STX17: variants seen among roughly 807,000 people sequenced by gnomAD.
The protein encoded by STX17 is syntaxin-17.
STX17 carries 29 observed loss-of-function variants against 35.9 expected under a neutral mutation model. The ratio of observed to expected loss-of-function variants is 0.81; its 90% CI spans 0.60 to 1.10. The LOEUF (loss-of-function observed/expected upper bound fraction) is 1.10. Among genes scored for constraint, STX17 ranks in the 50% least tolerant of loss-of-function variants. The pLI, the probability that STX17 is intolerant of heterozygous loss-of-function variation, is 0.00. For synonymous variants in STX17, 92 were observed against 118.3 expected, an observed-to-expected ratio of 0.78 and a Z score of 1.44; for missense variants, 312 against 352.3, an observed-to-expected ratio of 0.89 and a Z score of 0.92.
At chr9:99,918,542 C>G (rs977665692) in intron 2 of STX17, among the ~76,000 whole-genome samples, 5 of 151,136 alleles carry the variant, frequency 3.3e-5, no homozygotes, top group African/African-American at 1.2e-4. Flanking sequence ...CTTCTTTGTC[C>G]TGTTTTTCCC....
At position 99,918,346 on chromosome 9, in the gene STX17, A is replaced by G. The variant is rs114097622; in HGVS notation, c.123+2984A>G. On this transcript the variant is annotated intron_variant, in intron 2 of 7. Transcript: ENST00000259400. ...GGGTCTCACTATGCTGCCCAGGCCT[A>G]TCTCATCTCAAAGCCCTGGCCTCAA... is the stretch of plus-strand genomic sequence containing the variant. 3.4e-3 allele frequency among the ~76,000 whole-genome samples: 521 copies of G among 152,184 alleles called. 3 individuals carry two copies. The highest frequency in any genetic ancestry group is 0.012 in the African/African-American group (487 of 41,516).
chr9:99,942,830 C>T (rs191605847), intron 3 of STX17, among the ~76,000 whole-genome samples: 14 of 151,758 alleles, frequency 9.2e-5, no homozygotes, highest in Admixed American at 6.6e-4. Flanking sequence ...CTACTTTTGT[C>T]GTAAGTCAAG....
Position 99,972,789 on chromosome 9 carries a change from T to C in STX17, c.*4116T>C, listed in dbSNP as rs1302802419. 6.6e-6 allele frequency among the ~76,000 whole-genome samples: 1 copy of C among 152,204 alleles called. No homozygotes were observed. The highest frequency in any genetic ancestry group is 1.5e-5 in the Non-Finnish European group (1 of 68,032). ...GAAAGGTGTTTCTCAGGGTCCCCTT[T>C]GTCCTTCGTTGCTGCCATATGAAAT... On this transcript the variant is annotated 3_prime_UTR_variant, in exon 8 of 8. Transcript: ENST00000259400.
At chr9:99,917,241 G>C (rs1180510121) in intron 2 of STX17, among the ~76,000 whole-genome samples, 5 of 151,968 alleles carry the variant, frequency 3.3e-5, no homozygotes, top group Non-Finnish European at 2.9e-5. Context: ...CTGTCTCTAG[G>C]ATGTCTAGCT....
chr9:99,941,515 A>G (rs183518159), intron 3 of STX17, among the ~76,000 whole-genome samples: 2 of 152,320 alleles, frequency 1.3e-5, no homozygotes, highest in East Asian at 1.9e-4. Context: ...AAATATAAAT[A>G]TACACCTAAA....
intron 3 of STX17, among the ~76,000 whole-genome samples, chr9:99,940,502 C>T (rs1424557423): frequency 2.8e-5 from 4 of 144,930 alleles, no homozygotes; most frequent in Admixed American, 6.8e-5. Context: ...GATGGAGTCC[C>T]ACTCTGTCAC....
At chr9:99,952,580 C>T (rs950128452) in intron 4 of STX17, among the ~76,000 whole-genome samples, 17 of 151,854 alleles carry the variant, frequency 1.1e-4, no homozygotes, top group Admixed American at 3.3e-4. Context: ...CACATGCACA[C>T]GTATGTTTAT....
intron 4 of STX17, chr9:99,954,019 A>G (rs868551230): frequency 2.7e-4 from 41 of 152,074 alleles, no homozygotes; most frequent in African/African-American, 8.9e-4. Context: ...ATAAAAAAAA[A>G]CTTCGGCAGA....
chr9:99,953,674 A>G (rs1829649572), intron 4 of STX17, among the ~76,000 whole-genome samples: 1 of 152,062 alleles, frequency 6.6e-6, no homozygotes, highest in Non-Finnish European at 1.5e-5. Context: ...GATGGTAATA[A>G]TAACTGTGAA....
intron 3 of STX17, among the ~76,000 whole-genome samples, chr9:99,935,309 G>C (rs1180093819): frequency 1.5e-5 from 2 of 137,174 alleles, no homozygotes; most frequent in Admixed American, 7.7e-5. Flanking sequence ...CAGCCTGGGT[G>C]ACAGAGCGAC....
At chr9:99,914,432 G>A (rs2118303090) in intron 1 of STX17, among the ~76,000 whole-genome samples, 1 of 152,230 alleles carries the variant, frequency 6.6e-6, no homozygotes, top group Admixed American at 6.5e-5. Context: ...TAGCCCCTAC[G>A]CTTGTACTCT....
In STX17 at chr9:99,970,781, C is replaced by A. The variant is rs992214106; in HGVS notation, c.*2108C>A. On this transcript the variant is annotated 3_prime_UTR_variant, in exon 8 of 8. Coordinates refer to ENST00000259400, the MANE Select transcript of STX17 (RefSeq NM_017919.3). ...CAAATTGGCTATCCTTTCAGCCCAC[C>A]AACTTAGCGGCAGCACTAGGGATTC... Among the ~76,000 whole-genome samples, 2 of 152,200 alleles carry A rather than the reference C, an allele frequency of 1.3e-5. No homozygotes were observed. Among genetic ancestry groups the A allele is most frequent in the African/African-American group, 4.8e-5 (2 of 41,428 alleles).
At position 99,970,655 on chromosome 9, in the gene STX17, C is replaced by G. The variant is rs1830002028; in HGVS notation, c.*1982C>G. Among the ~76,000 whole-genome samples, 1 of 152,172 alleles carries G rather than the reference C, an allele frequency of 6.6e-6. No homozygotes were observed. Among genetic ancestry groups the G allele is most frequent in the South Asian group, 2.1e-4 (1 of 4,826 alleles). On this transcript the variant is annotated 3_prime_UTR_variant, in exon 8 of 8. Transcript: ENST00000259400. ...AGCATAGTCAGCTGAAATTATAAATCTAAGAAACAGTTACATCAAGATTCT... is the reference window on the plus strand; with the variant it reads ...AGCATAGTCAGCTGAAATTATAAATGTAAGAAACAGTTACATCAAGATTCT...
At chr9:99,917,263 G>A (rs564870135) in intron 2 of STX17, among the ~76,000 whole-genome samples, 130 of 151,184 alleles carry the variant, frequency 8.6e-4, no homozygotes, top group African/African-American at 3.1e-3. Context: ...AATTATAAAA[G>A]TGACTTTTTT....
chr9:99,928,759 CCTTCTTT>C lies in STX17; in HGVS notation c.124-15_124-9del. Reference sequence around the variant, plus strand: ...TTAGTGATGAAAAATTTAATACCTCCCTTCTTTCTTTTATATAGTATCAAAGGTGCAG... The same window carrying C: ...TTAGTGATGAAAAATTTAATACCTCCCTTTTATATAGTATCAAAGGTGCAG... On this transcript the variant is annotated splice_polypyrimidine_tract_variant and intron_variant, in intron 2 of 7. Transcript: ENST00000259400. 6.3e-7 allele frequency: 1 copy of C among 1,594,200 alleles called. No individual in the cohort carries two copies. Among genetic ancestry groups the C allele is most frequent in the Non-Finnish European group, 8.6e-7 (1 of 1,166,436 alleles).
chr9:99,933,542 G>A (rs1293674204), intron 3 of STX17, among the ~76,000 whole-genome samples: 2 of 152,064 alleles, frequency 1.3e-5, no homozygotes, highest in Non-Finnish European at 2.9e-5. Context: ...CTGTGAATAT[G>A]GGATATTCTT....
At chr9:99,960,929 A>G (rs1048182205) in intron 6 of STX17, among the ~76,000 whole-genome samples, 1 of 152,260 alleles carries the variant, frequency 6.6e-6, no homozygotes, top group African/African-American at 2.4e-5. Flanking sequence ...AGCTTCACAC[A>G]GGTAGACAGT....
chr9:99,931,953 C>G (rs149709594), intron 3 of STX17, among the ~76,000 whole-genome samples: 3 of 152,306 alleles, frequency 2.0e-5, no homozygotes, highest in African/African-American at 7.2e-5. Flanking sequence ...GTGGACTTCA[C>G]TTAAGGATGC....
At position 99,932,674 on chromosome 9, in the gene STX17, G is replaced by GT. The variant is rs1373030091; in HGVS notation, c.189+3832dup. 2.0e-5 allele frequency among the ~76,000 whole-genome samples: 3 copies of GT among 152,232 alleles called. 1 individual carries two copies. Among genetic ancestry groups the GT allele is most frequent in the Non-Finnish European group, 1.5e-5 (1 of 67,974 alleles). ...TTTAAAATTTGCGTATATATTTACC[G>GT]TATTGACCTCCATCTGGCATAAAAG... On this transcript the variant is annotated intron_variant, in intron 3 of 7. Coordinates refer to ENST00000259400, the MANE Select transcript of STX17 (RefSeq NM_017919.3).
Sources: allele counts gnomAD v4.1 joint callset (sites outside exome capture counted in the v4.1 genomes callset), GRCh38; gene constraint gnomAD v4.1.1; transcripts MANE v1.5; gene names NCBI Gene and HGNC (gene_info 2026-07-23, HGNC 2026-07-21).